The following RIPOR1 variants were observed in gnomAD, a reference collection of about 807,000 sequenced individuals.
RIPOR1 encodes RHO family interacting cell polarization regulator 1.
A neutral mutation model predicts 116.5 loss-of-function variants in RIPOR1; 58 were observed. The observed-to-expected ratio is 0.50, with a 90% confidence interval of 0.40 to 0.62. The LOEUF is 0.62. Among genes scored for constraint, RIPOR1 ranks in the 20% least tolerant of loss-of-function variants. The pLI is 0.00. For missense variants in RIPOR1, 1,372 were observed against 1,586.2 expected (o/e 0.86, Z 2.29); for synonymous variants, 605 against 650.0 (o/e 0.93, Z 1.05).
At chr16:67,533,956 C>T (rs539607266) in intron 1 of RIPOR1, among the ~76,000 whole-genome samples, 1 of 148,376 alleles carries the variant, frequency 6.7e-6, no homozygotes, top group South Asian at 2.1e-4. Flanking sequence ...TACAGTCATG[C>T]GCCACCACGC....
rs763946738 is a variant in RIPOR1 at position 67,530,274 on chromosome 16, C to G, written c.-24+1360C>G. On this transcript the variant is annotated intron_variant, in intron 1 of 21. Coordinates refer to ENST00000042381, the MANE Select transcript of RIPOR1 (RefSeq NM_024519.4). This position sits in a 1 kb window ranked among gnomAD's most constrained non-coding sequence, Gnocchi z 4.5. ...GGGAGGCCGCCTGGCTCCCAGCGCG[C>G]GGCCAGGGAATGTAACCAGCTGACC... Among the ~76,000 whole-genome samples the G allele has an allele frequency of 6.6e-6, 1 of 152,266 alleles. No individual in the cohort carries two copies. Among genetic ancestry groups the G allele is most frequent in the South Asian group, 2.1e-4 (1 of 4,828 alleles).
chr16:67,543,679 C>T lies in RIPOR1; in HGVS notation c.2600+210C>T, dbSNP rs1330076226. 2.8e-5 allele frequency: 18 copies of T among 652,482 alleles called. No homozygotes were observed. The highest frequency in any genetic ancestry group is 5.6e-5 in the South Asian group (3 of 53,936). 40.4% of individuals were successfully genotyped at this position (652,482 alleles called of 1,614,324 possible). On this transcript the variant is annotated intron_variant, in intron 14 of 21. Coordinates refer to ENST00000042381, the MANE Select transcript of RIPOR1 (RefSeq NM_024519.4). This position sits in a 1 kb window ranked among gnomAD's most constrained non-coding sequence, Gnocchi z 4.7. ...CTTCATGCCCATGTCTCCAACCCTA[C>T]GTGTGTCCCCAGTGCTTCTGACCGC...
chr16:67,524,520 G>A (rs1486981616), upstream of RIPOR1, among the ~76,000 whole-genome samples: 1 of 152,090 alleles, frequency 6.6e-6, no homozygotes, highest in African/African-American at 2.4e-5. Context: ...CTCCCTGCCT[G>A]TCCAGCTGCC....
At chr16:67,522,662 T>C (rs1184653833) in intron 1 of RIPOR1, among the ~76,000 whole-genome samples, 1 of 151,954 alleles carries the variant, frequency 6.6e-6, no homozygotes, top group Non-Finnish European at 1.5e-5. Flanking sequence ...ATTGAGTGCC[T>C]TTCCATGTTC....
rs1049798521 is a variant in RIPOR1 at position 67,541,610 on chromosome 16, C to T, written c.950+32C>T. ...GGGGCTGAGAGGCTTGGAGGAGGGC[C>T]AGGAGGGCTGTGGCACCTGCCAACA... is the stretch of plus-strand genomic sequence containing the variant. On this transcript the variant is annotated intron_variant, in intron 11 of 21. Coordinates refer to ENST00000042381, the MANE Select transcript of RIPOR1 (RefSeq NM_024519.4). This position sits in a 1 kb window ranked among gnomAD's most constrained non-coding sequence, Gnocchi z 4.6. 3.1e-6 allele frequency: 5 copies of T among 1,613,872 alleles called. No homozygotes were observed. The highest frequency in any genetic ancestry group is 4.5e-5 in the East Asian group (2 of 44,886).
At position 67,537,653 on chromosome 16, in the gene RIPOR1, C is replaced by T; in HGVS notation, c.-23-771C>T. 7.9e-7 allele frequency: 1 copy of T among 1,262,954 alleles called. No individual in the cohort carries two copies. Among genetic ancestry groups the T allele is most frequent in the Non-Finnish European group, 1.0e-6 (1 of 971,238 alleles). The allele number at this position is 1,262,954 out of a possible 1,614,324, so 78.2% of individuals were successfully genotyped here. ...AGGGACTGGCCCCAGGGGAAGCAGG[C>T]CGGGTTTGGGGGCCAGGAGTGTGTG... On this transcript the variant is annotated intron_variant, in intron 1 of 21. Coordinates refer to ENST00000042381, the MANE Select transcript of RIPOR1 (RefSeq NM_024519.4). This position sits in a 1 kb window ranked among gnomAD's most constrained non-coding sequence, Gnocchi z 4.6.
In RIPOR1 at chr16:67,542,528, C is replaced by A; in HGVS notation, c.1742C>A (p.Thr581Asn). 1 of 1,613,938 alleles carries A rather than the reference C, an allele frequency of 6.2e-7. No homozygotes were observed. Among genetic ancestry groups the A allele is most frequent in the Non-Finnish European group, 8.5e-7 (1 of 1,179,946 alleles). The change falls in exon 13 of 22, where the codon ACC becomes AAC. Residue 581 changes from threonine to asparagine, a missense_variant. Around this residue, in one of 3 missense-constraint regions of RIPOR1, gnomAD observed 1,005 missense variants for 1,144.7 expected, o/e 0.88. Transcript: ENST00000042381. This position sits in a 1 kb window ranked among gnomAD's most constrained non-coding sequence, Gnocchi z 4.6. Reference protein sequence around the residue: ...TGSTHKPIISTLTTTGPTLNI... With the variant: ...TGSTHKPIISNLTTTGPTLNI... Reference sequence around the variant, plus strand: ...TCCACCCACAAGCCCATAATCTCTACCCTTACTACTACAGGCCCTACCCTC... The same window carrying A: ...TCCACCCACAAGCCCATAATCTCTAACCTTACTACTACAGGCCCTACCCTC...
chr16:67,519,476 G>T (rs1597608195), intron 1 of RIPOR1, among the ~76,000 whole-genome samples: 2 of 152,160 alleles, frequency 1.3e-5, no homozygotes, highest in East Asian at 3.8e-4. Context: ...TCCAGCTGCT[G>T]CGTGGACAAT....
At position 67,537,969 on chromosome 16, in the gene RIPOR1, G is replaced by A; in HGVS notation, c.-23-455G>A. The A allele has an allele frequency of 4.5e-6, 1 of 219,922 alleles. No homozygotes were observed. The highest frequency in any genetic ancestry group is 8.9e-6 in the Non-Finnish European group (1 of 112,626). 13.6% of individuals were successfully genotyped at this position (219,922 alleles called of 1,614,324 possible). On this transcript the variant is annotated intron_variant, in intron 1 of 21. Coordinates refer to ENST00000042381, the MANE Select transcript of RIPOR1 (RefSeq NM_024519.4). The surrounding 1 kb of genome is among the most constrained non-coding windows in gnomAD (Gnocchi z 4.6). ...TCCGCAGGGCTCCGAGCGTGGCCCC[G>A]CCCCGCCCCGTGACCTCCTTGGGCT...
At chr16:67,520,429 AGAG>A (rs2050485852) in intron 1 of RIPOR1, among the ~76,000 whole-genome samples, 1 of 150,206 alleles carries the variant, frequency 6.7e-6, no homozygotes, top group African/African-American at 2.5e-5. Flanking sequence ...AAAAGAGAGA[AGAG>A]AAGATAAGAG....
At position 67,545,894 on chromosome 16, in the gene RIPOR1, C is replaced by T. The variant is rs1231662620; in HGVS notation, c.3387+34C>T. The T allele has an allele frequency of 3.1e-6, 5 of 1,612,104 alleles. No homozygotes were observed. Among genetic ancestry groups the T allele is most frequent in the Non-Finnish European group, 4.2e-6 (5 of 1,178,846 alleles). On this transcript the variant is annotated intron_variant, in intron 19 of 21. Coordinates refer to ENST00000042381, the MANE Select transcript of RIPOR1 (RefSeq NM_024519.4). This position sits in a 1 kb window ranked among gnomAD's most constrained non-coding sequence, Gnocchi z 4.8. ...GACAGGGCTCCCTTGAGGGCGAGGG[C>T]TGGGGTCCTGGACTCCCACTGTCTG...
At position 67,538,784 on chromosome 16, in the gene RIPOR1, C is replaced by A; in HGVS notation, c.217C>A (p.Arg73=). ...HPAAKVPQPE[R]LDLVYTALKR... ...AGCCGCCAAGGTGCCGCAGCCCGAGCGGCTGGACCTGGTGTACACGGCGCT... is the reference window on the plus strand; with the variant it reads ...AGCCGCCAAGGTGCCGCAGCCCGAGAGGCTGGACCTGGTGTACACGGCGCT... The change falls in exon 3 of 22, where the codon CGG becomes AGG. Residue 73 remains arginine (R), a synonymous_variant. Coordinates refer to ENST00000042381, the MANE Select transcript of RIPOR1 (RefSeq NM_024519.4). 6.2e-7 allele frequency: 1 copy of A among 1,613,414 alleles called. No homozygotes were observed. The highest frequency in any genetic ancestry group is 1.3e-5 in the African/African-American group (1 of 75,060).
intron 4 of RIPOR1, 24 bp from the exon 5 acceptor site, chr16:67,539,704 T>A: frequency 6.2e-7 from 1 of 1,614,004 alleles, no homozygotes. Flanking sequence ...CCTAAATATT[T>A]GCCCCTTCTC....
chr16:67,530,482 T>C lies in RIPOR1; in HGVS notation c.-24+1568T>C, dbSNP rs1406661326. Among the ~76,000 whole-genome samples the C allele has an allele frequency of 1.3e-5, 2 of 152,106 alleles. No homozygotes were observed. Among genetic ancestry groups the C allele is most frequent in the African/African-American group, 4.8e-5 (2 of 41,424 alleles). ...AGGACAGGCTCAGAAGGGACCCCCT[T>C]CTCCCTTGCAGCCGCCCCTTGCCCA... is the stretch of plus-strand genomic sequence containing the variant. On this transcript the variant is annotated intron_variant, in intron 1 of 21. Transcript: ENST00000042381. The surrounding 1 kb of genome is among the most constrained non-coding windows in gnomAD (Gnocchi z 4.5).
chr16:67,541,843 G>A lies in RIPOR1; in HGVS notation c.1081-24G>A. On this transcript the variant is annotated intron_variant, in intron 12 of 21. Coordinates refer to ENST00000042381, the MANE Select transcript of RIPOR1 (RefSeq NM_024519.4). The surrounding 1 kb of genome is among the most constrained non-coding windows in gnomAD (Gnocchi z 4.6). ...CCAGAGGCTCCCTGGGGGTGGTTCTGAAATGCCCTCTCCTCTTTCTCAGAA... is the reference window on the plus strand; with the variant it reads ...CCAGAGGCTCCCTGGGGGTGGTTCTAAAATGCCCTCTCCTCTTTCTCAGAA... 1 of 1,612,500 alleles carries A rather than the reference G, an allele frequency of 6.2e-7. No homozygotes were observed. Among genetic ancestry groups the A allele is most frequent in the Non-Finnish European group, 8.5e-7 (1 of 1,178,820 alleles).
Position 67,542,754 on chromosome 16 carries a change from TCCCACCCATCCTACCACAAGC to T in RIPOR1, c.1980_2000del (p.Thr665_Pro671del), listed in dbSNP as rs753957309. 3 of 1,606,602 alleles carry T rather than the reference TCCCACCCATCCTACCACAAGC, an allele frequency of 1.9e-6. No homozygotes were observed. Among genetic ancestry groups the T allele is most frequent in the Admixed American group, 1.7e-5 (1 of 59,484 alleles). On this transcript the variant is annotated inframe_deletion, in exon 13 of 22. Coordinates refer to ENST00000042381, the MANE Select transcript of RIPOR1 (RefSeq NM_024519.4). The surrounding 1 kb of genome is among the most constrained non-coding windows in gnomAD (Gnocchi z 4.6). ...TGGGCCTAGTCCAGACTGCCACAAGTCCCACCCATCCTACCACAAGCCCCACCCATCCCACCACAAGCCCCA... is the reference window on the plus strand; with the variant it reads ...TGGGCCTAGTCCAGACTGCCACAAGTCCCACCCATCCCACCACAAGCCCCA...
chr16:67,535,882 C>T (rs1025106692), intron 1 of RIPOR1, among the ~76,000 whole-genome samples: 7 of 151,994 alleles, frequency 4.6e-5, no homozygotes, highest in Non-Finnish European at 1.0e-4. Context: ...ACCCAGGCTT[C>T]GCCTTCAAGG....
At chr16:67,532,446 G>A (rs2050685580) in intron 1 of RIPOR1, among the ~76,000 whole-genome samples, 1 of 151,698 alleles carries the variant, frequency 6.6e-6, no homozygotes, top group African/African-American at 2.4e-5. Context: ...AGACCTGGGT[G>A]ACAGCGTGAG....
At chr16:67,519,314 G>A (rs1222778548) in intron 1 of RIPOR1, among the ~76,000 whole-genome samples, 2 of 151,454 alleles carry the variant, frequency 1.3e-5, no homozygotes, top group East Asian at 3.9e-4. Context: ...GGCCCACCCT[G>A]TGCAAAGATG....
Sources: gnomAD v4.1 joint callset for allele counts (sites outside exome capture counted in the v4.1 genomes callset) on GRCh38, gnomAD v4.1.1 for gene constraint, gnomAD v4.1.1 regional missense constraint, Gnocchi (gnomAD v3.1) non-coding constraint, MANE v1.5 for transcripts, NCBI Gene and HGNC (gene_info 2026-07-23, HGNC 2026-07-21) for gene names.